Variants in ADAM7 observed in about 807,000 individuals in gnomAD.
ADAM7 encodes the protein disintegrin and metalloproteinase domain-containing protein 7.
ADAM7 carries 97 observed loss-of-function variants against 102.9 expected under a neutral mutation model. That is an observed-to-expected ratio of 0.94 (90% CI 0.80 to 1.12). The LOEUF (loss-of-function observed/expected upper bound fraction) is 1.12, where lower values mean the gene tolerates loss of function less well. ADAM7 is among the 50% of genes most tolerant of loss of function. The pLI, the probability that ADAM7 is intolerant of heterozygous loss-of-function variation, is 0.00. For missense variants in ADAM7, 991 were observed against 908.7 expected, an observed-to-expected ratio of 1.09 and a Z score of -1.16; for synonymous variants, 334 against 304.4, an observed-to-expected ratio of 1.10 and a Z score of -1.01.
intron 3 of ADAM7, among the ~76,000 whole-genome samples, chr8:24,449,552 C>T (rs937054927): frequency 6.6e-6 from 1 of 152,072 alleles, no homozygotes; most frequent in Non-Finnish European, 1.5e-5. Flanking sequence ...GATATTAGCC[C>T]TTTGTCAGAT....
At chr8:24,457,732 T>C (rs928744426) in intron 3 of ADAM7, among the ~76,000 whole-genome samples, 1 of 152,238 alleles carries the variant, frequency 6.6e-6, no homozygotes, top group Non-Finnish European at 1.5e-5. Flanking sequence ...CATCATTTTC[T>C]AGGACCTAAG....
chr8:24,446,462 T>C, intron 2 of ADAM7, among the ~76,000 whole-genome samples: 1 of 152,138 alleles, frequency 6.6e-6, no homozygotes, highest in East Asian at 1.9e-4. Context: ...TTCATGATAG[T>C]TTGGCAATAG....
At chr8:24,450,706 G>A (rs928076813) in intron 3 of ADAM7, among the ~76,000 whole-genome samples, 1 of 151,496 alleles carries the variant, frequency 6.6e-6, no homozygotes, top group Non-Finnish European at 1.5e-5. Context: ...AGTGGTGAGA[G>A]AGGGCATCCC....
intron 13 of ADAM7, 72 bp downstream of exon 13, chr8:24,490,960 C>A: frequency 6.8e-7 from 1 of 1,475,526 alleles, no homozygotes; most frequent in Non-Finnish European, 9.4e-7. Context: ...AGTTATCTAA[C>A]CACTGGACAG....
chr8:24,505,579 G>A (rs531894835), intron 20 of ADAM7, among the ~76,000 whole-genome samples: 1 of 152,190 alleles, frequency 6.6e-6, no homozygotes, highest in Non-Finnish European at 1.5e-5. Flanking sequence ...GGGTTTGGGG[G>A]AGGTCCGTCT....
At chr8:24,448,763 C>A (rs980203560) in intron 3 of ADAM7, among the ~76,000 whole-genome samples, 13 of 151,944 alleles carry the variant, frequency 8.6e-5, no homozygotes, top group African/African-American at 3.1e-4. Flanking sequence ...CACCCATTAA[C>A]TCGTCATTTA....
At chr8:24,476,867 A>G (rs530597539) in intron 8 of ADAM7, among the ~76,000 whole-genome samples, 222 of 152,298 alleles carry the variant, frequency 1.5e-3, no homozygotes, top group Non-Finnish European at 2.7e-3. Context: ...TTTGTTGTCC[A>G]TGGTTTGGCA....
At chr8:24,494,368 T>C (rs1820482802) in intron 16 of ADAM7, among the ~76,000 whole-genome samples, 1 of 152,166 alleles carries the variant, frequency 6.6e-6, no homozygotes, top group Non-Finnish European at 1.5e-5. Flanking sequence ...AATTCAAAGG[T>C]ATTCAACAAG....
chr8:24,476,035 G>T (rs1235312353), intron 7 of ADAM7: 1 of 446,372 alleles, frequency 2.2e-6, no homozygotes, highest in Non-Finnish European at 4.5e-6. Context: ...GGACACAGAA[G>T]GACTAATAAA....
chr8:24,503,800 C>T (rs959097142), intron 20 of ADAM7, among the ~76,000 whole-genome samples: 6 of 152,016 alleles, frequency 3.9e-5, no homozygotes, highest in Non-Finnish European at 8.8e-5. Flanking sequence ...ACCGCATGTT[C>T]TCACTCATAA....
In ADAM7 at chr8:24,500,180, G is replaced by A. The variant is rs199868011; in HGVS notation, c.1926G>A (p.Val642=). Residue 642 remains valine (V), a splice_region_variant and synonymous_variant, in exon 18 of 22, where the codon GTG becomes GTA. Coordinates refer to ENST00000175238, the MANE Select transcript of ADAM7 (RefSeq NM_003817.4). ...NCPSQCNENP[V]DGHGLQCHCE... ...TATATCATTGACTGCTCTTCCAGGT[G>A]GATGGCCACGGACTCCAGTGCCACT... 1 of 1,609,826 alleles carries A rather than the reference G, an allele frequency of 6.2e-7. No individual in the cohort carries two copies. The highest frequency in any genetic ancestry group is 2.2e-5 in the East Asian group (1 of 44,736).
At chr8:24,444,774 T>C (rs554135538) in intron 2 of ADAM7, among the ~76,000 whole-genome samples, 1 of 151,850 alleles carries the variant, frequency 6.6e-6, no homozygotes, top group East Asian at 1.9e-4. Context: ...GTGTGGAATC[T>C]GGGATCAGAT....
At chr8:24,499,465 T>C in intron 17 of ADAM7, 149 bp downstream of exon 17, 1 of 574,738 alleles carries the variant, frequency 1.7e-6, no homozygotes, top group Non-Finnish European at 2.7e-6. Context: ...TTTTCATGTG[T>C]TATCAACAAA....
At chr8:24,451,538 C>A (rs144035668) in intron 3 of ADAM7, among the ~76,000 whole-genome samples, 1 of 151,992 alleles carries the variant, frequency 6.6e-6, no homozygotes, top group African/African-American at 2.4e-5. Flanking sequence ...ATTCTTCTCT[C>A]GTTTCTTCTT....
chr8:24,503,623 C>T (rs757141101), intron 20 of ADAM7, among the ~76,000 whole-genome samples: 1 of 152,028 alleles, frequency 6.6e-6, no homozygotes, highest in Non-Finnish European at 1.5e-5. Flanking sequence ...CTTGGAACCA[C>T]CCCAAATGTC....
intron 5 of ADAM7, 118 bp downstream of exon 5, chr8:24,465,893 G>C: frequency 3.0e-6 from 2 of 658,922 alleles, no homozygotes; most frequent in Admixed American, 7.0e-5. Context: ...TGAGAAAAAA[G>C]CTGCTGTGCA....
intron 10 of ADAM7, 91 bp from the exon 11 acceptor site, chr8:24,487,096 G>A (rs1820168434): frequency 2.2e-6 from 3 of 1,355,930 alleles, no homozygotes; most frequent in South Asian, 3.0e-5. Context: ...CTAGGAGCTA[G>A]AAGCCAGGTC....
chr8:24,500,258 T>G lies in ADAM7; in HGVS notation c.2002+2T>G. 6.2e-7 allele frequency: 1 copy of G among 1,603,968 alleles called. No homozygotes were observed. The highest frequency in any genetic ancestry group is 8.5e-7 in the Non-Finnish European group (1 of 1,171,984). On this transcript the variant is annotated splice_donor_variant, in intron 18 of 21. Coordinates refer to ENST00000175238, the MANE Select transcript of ADAM7 (RefSeq NM_003817.4). LOFTEE classifies it high-confidence loss of function. ...GTGAAGAAACCTTACATGTTACCAG[T>G]GAGCATCCTAAAACAAAATCTTTCA...
At chr8:24,468,717 A>G in intron 6 of ADAM7, 50 bp from the exon 7 acceptor site, 2 of 1,532,896 alleles carry the variant, frequency 1.3e-6, no homozygotes, top group Non-Finnish European at 1.8e-6. Flanking sequence ...TAAAGGGTTA[A>G]GATAGAAAGT....
Sources: gnomAD v4.1 joint callset for allele counts (sites outside exome capture counted in the v4.1 genomes callset) on GRCh38, gnomAD v4.1.1 for gene constraint, MANE v1.5 for transcripts, NCBI Gene and HGNC (gene_info 2026-07-23, HGNC 2026-07-21) for gene names.